Variants in SPRED2 observed in about 807,000 individuals in gnomAD.
SPRED2 encodes the protein sprouty related EVH1 domain containing 2.
SPRED2 carries 47 observed loss-of-function variants against 43.0 expected under a neutral mutation model. The observed-to-expected ratio is 1.09, with a 90% CI of 0.87 to 1.40. The LOEUF (loss-of-function observed/expected upper bound fraction) is 1.40, where lower values mean the gene tolerates loss of function less well. SPRED2 is among the 40% of genes most tolerant of loss of function. The pLI is 0.00. For missense variants in SPRED2, 561 were observed against 586.4 expected (o/e 0.96, Z 0.45); for synonymous variants, 225 against 225.7 (o/e 1.00, Z 0.03).
chr2:65,417,075 A>C (rs1676293538), intron 1 of SPRED2, among the ~76,000 whole-genome samples: 1 of 152,116 alleles, frequency 6.6e-6, no homozygotes, highest in South Asian at 2.1e-4. Flanking sequence ...ACAATGTGCC[A>C]AAACCGCCAC....
intron 1 of SPRED2, among the ~76,000 whole-genome samples, chr2:65,399,060 C>T (rs910612646): frequency 6.6e-6 from 1 of 151,992 alleles, no homozygotes; most frequent in African/African-American, 2.4e-5. Context: ...GGGCGGATCA[C>T]GAGGTCAGGA....
At chr2:65,399,089 T>C (rs1675822091) in intron 1 of SPRED2, among the ~76,000 whole-genome samples, 1 of 151,888 alleles carries the variant, frequency 6.6e-6, no homozygotes, top group African/African-American at 2.4e-5. Flanking sequence ...CCATCCTGGC[T>C]AACACGGTGA....
chr2:65,393,858 T>C (rs1258433229), intron 1 of SPRED2, among the ~76,000 whole-genome samples: 1 of 152,274 alleles, frequency 6.6e-6, no homozygotes, highest in South Asian at 2.1e-4. Flanking sequence ...CTACTCTTGA[T>C]AATGGAACAG....
chr2:65,311,429 A>G lies in SPRED2; in HGVS notation c.*2072T>C. Reference sequence around the variant, plus strand: ...AGGTAACAACTAAATAGAGGTGACAAACAAAAAACAGCTGGGATATGTGCG... The same window carrying G: ...AGGTAACAACTAAATAGAGGTGACAGACAAAAAACAGCTGGGATATGTGCG... On this transcript the variant is annotated 3_prime_UTR_variant, in exon 6 of 6. Coordinates refer to ENST00000356388, the MANE Select transcript of SPRED2 (RefSeq NM_181784.3). 1.0e-6 allele frequency: 1 copy of G among 985,898 alleles called. No individual in the cohort carries two copies. The highest frequency in any genetic ancestry group is 1.2e-6 in the Non-Finnish European group (1 of 829,940). 61.1% of individuals were successfully genotyped at this position (985,898 alleles called of 1,614,324 possible). A position where few individuals can be genotyped will look rare whatever the true frequency, so the allele number is the denominator to read the frequency against.
At chr2:65,363,741 T>G (rs1674891805) in intron 1 of SPRED2, among the ~76,000 whole-genome samples, 1 of 152,190 alleles carries the variant, frequency 6.6e-6, no homozygotes, top group Admixed American at 6.5e-5. Context: ...AACAAACAGG[T>G]CTCCCTCCAA....
At position 65,311,280 on chromosome 2, in the gene SPRED2, C is replaced by G; in HGVS notation, c.*2221G>C. ...TTAGAGACGTATTTACATAAATGTC[C>G]CCATGGCTGTCTTTGTGCCCTTAAC... On this transcript the variant is annotated 3_prime_UTR_variant, in exon 6 of 6. Transcript: ENST00000356388. 1.0e-6 allele frequency: 1 copy of G among 985,708 alleles called. No individual in the cohort carries two copies. Among genetic ancestry groups the G allele is most frequent in the African/African-American group, 1.7e-5 (1 of 57,208 alleles). 61.1% of individuals were successfully genotyped at this position (985,708 alleles called of 1,614,324 possible). A position where few individuals can be genotyped will look rare whatever the true frequency, so the allele number is the denominator to read the frequency against.
At chr2:65,354,604 AATC>A (rs1458959163) in intron 1 of SPRED2, among the ~76,000 whole-genome samples, 1 of 151,794 alleles carries the variant, frequency 6.6e-6, no homozygotes, top group Non-Finnish European at 1.5e-5. Flanking sequence ...ATACTTATTT[AATC>A]TATCAAAAAT....
chr2:65,335,277 A>G (rs1673931296), intron 2 of SPRED2, among the ~76,000 whole-genome samples: 2 of 151,926 alleles, frequency 1.3e-5, no homozygotes, highest in Admixed American at 6.6e-5. Flanking sequence ...TCCTCTGCCT[A>G]TCTCCTGTAT....
chr2:65,371,421 A>G (rs1307604872), intron 1 of SPRED2, among the ~76,000 whole-genome samples: 3 of 152,262 alleles, frequency 2.0e-5, no homozygotes, highest in Non-Finnish European at 4.4e-5. Context: ...TCTGGTGGTC[A>G]CTTGCTGCCT....
At chr2:65,383,075 A>T (rs1362933277) in intron 1 of SPRED2, among the ~76,000 whole-genome samples, 1 of 152,244 alleles carries the variant, frequency 6.6e-6, no homozygotes, top group Non-Finnish European at 1.5e-5. Flanking sequence ...TCTCTGCAAG[A>T]GTCATACAAG....
chr2:65,313,149 T>G lies in SPRED2; in HGVS notation c.*352A>C. ...CAGCAGTTCCAATTGCAGACTCCTT[T>G]GAACTGGAAGAGGCGGGGGAGGAGG... is the stretch of plus-strand genomic sequence containing the variant. On this transcript the variant is annotated 3_prime_UTR_variant, in exon 6 of 6. Transcript: ENST00000356388. 1 of 1,023,460 alleles carries G rather than the reference T, an allele frequency of 9.8e-7. No homozygotes were observed. The highest frequency in any genetic ancestry group is 1.2e-6 in the Non-Finnish European group (1 of 855,396). The allele number at this position is 1,023,460 out of a possible 1,614,324, so 63.4% of individuals were successfully genotyped here.
At chr2:65,338,955 G>T (rs572406465) in intron 2 of SPRED2, among the ~76,000 whole-genome samples, 2,162 of 151,416 alleles carry the variant, frequency 0.014, 6 homozygotes, top group African/African-American at 0.05. Flanking sequence ...CCGCCGCCCC[G>T]TCCGGGAGGT....
intron 1 of SPRED2, among the ~76,000 whole-genome samples, chr2:65,349,308 CAA>C (rs59019958): frequency 0.056 from 4,657 of 83,290 alleles, 178 homozygotes; most frequent in African/African-American, 0.19. Context: ...GACTCTGTCT[CAA>C]AAAAAAAAAA....
At chr2:65,416,720 C>G (rs150489178) in intron 1 of SPRED2, among the ~76,000 whole-genome samples, 114 of 152,288 alleles carry the variant, frequency 7.5e-4, no homozygotes, top group African/African-American at 2.5e-3. Context: ...GGAAATGGAT[C>G]AAGCCTTACC....
At chr2:65,367,689 G>C (rs1235066016) in intron 1 of SPRED2, among the ~76,000 whole-genome samples, 1 of 152,124 alleles carries the variant, frequency 6.6e-6, no homozygotes, top group South Asian at 2.1e-4. Context: ...CTCCCAGGGC[G>C]ATCTGGTGAT....
In SPRED2 at chr2:65,371,825, C is replaced by T. The variant is rs1331146416; in HGVS notation, c.27-26929G>A. Among the ~76,000 whole-genome samples, 5 of 152,050 alleles carry T rather than the reference C, an allele frequency of 3.3e-5. No homozygotes were observed. The South Asian group carries it at 1.0e-3, about 31-fold the overall frequency. On this transcript the variant is annotated intron_variant, in intron 1 of 5. Transcript: ENST00000356388. ...GCGCGGTGGCTCACGCCTCTAATCC[C>T]AGCACTTTGGGAGGCCGGGGCAGGC...
intron 1 of SPRED2, among the ~76,000 whole-genome samples, chr2:65,413,893 T>C (rs1676217642): frequency 6.6e-6 from 1 of 152,218 alleles, no homozygotes; most frequent in Non-Finnish European, 1.5e-5. Context: ...GCGTCAAATC[T>C]ATAAACAGTT....
At chr2:65,430,684 G>A (rs1676656810) in intron 1 of SPRED2, among the ~76,000 whole-genome samples, 1 of 152,122 alleles carries the variant, frequency 6.6e-6, no homozygotes, top group African/African-American at 2.4e-5. Context: ...CGCGCGCGGG[G>A]CCTCCCTCCA....
intron 4 of SPRED2, among the ~76,000 whole-genome samples, chr2:65,330,566 A>G (rs188136119): frequency 6.6e-6 from 1 of 152,290 alleles, no homozygotes; most frequent in African/African-American, 2.4e-5. Flanking sequence ...GTCCCCCATT[A>G]TCAACATCCC....
Sources: gnomAD v4.1 joint callset for allele counts (sites outside exome capture counted in the v4.1 genomes callset) on GRCh38, gnomAD v4.1.1 for gene constraint, MANE v1.5 for transcripts, NCBI Gene and HGNC (gene_info 2026-07-23, HGNC 2026-07-21) for gene names.